The following TRAPPC9 variants were observed in gnomAD, a reference collection of about 807,000 sequenced individuals.
The protein encoded by TRAPPC9 is trafficking protein particle complex subunit 9, also known as IKK2 binding protein.
TRAPPC9 carries 83 observed loss-of-function variants against 124.0 expected under a neutral mutation model. That is an observed-to-expected ratio of 0.67 (90% confidence interval 0.56 to 0.80). The LOEUF (loss-of-function observed/expected upper bound fraction) is 0.80. Ranked by LOEUF, TRAPPC9 falls within the 30% of genes least tolerant of loss-of-function variation. TRAPPC9 has a pLI of 0.00. For synonymous variants in TRAPPC9, 638 were observed against 617.5 expected (o/e 1.03, Z -0.49); for missense variants, 1,302 against 1,508.3 (o/e 0.86, Z 2.27).
At chr8:140,325,170 G>T (rs956534996) in intron 9 of TRAPPC9, among the ~76,000 whole-genome samples, 1 of 152,104 alleles carries the variant, frequency 6.6e-6, no homozygotes, top group Admixed American at 6.5e-5. Context: ...AAACACAACA[G>T]GTCAATATTT....
chr8:139,955,186 A>G (rs1399676516), intron 19 of TRAPPC9, among the ~76,000 whole-genome samples: 1 of 152,154 alleles, frequency 6.6e-6, no homozygotes, highest in Non-Finnish European at 1.5e-5. Context: ...CATCGGCACC[A>G]TCTGACCACC....
Position 140,033,658 on chromosome 8 carries a change from G to GTTTTTTTTTTTTT in TRAPPC9, c.2557-9592_2557-9580dup, listed in dbSNP as rs776155126. ...TTGAAATGCAACTCTTCATAATGTG[G>GTTTTTTTTTTTTT]TTTTTTTTTTTTTTTTTTTTTTTTT... On this transcript the variant is annotated intron_variant, in intron 17 of 22. Coordinates refer to ENST00000438773, the MANE Select transcript of TRAPPC9 (RefSeq NM_001160372.4). 4.2e-4 allele frequency among the ~76,000 whole-genome samples: 18 copies of GTTTTTTTTTTTTT among 42,388 alleles called. 2 individuals carry two copies. Among genetic ancestry groups the GTTTTTTTTTTTTT allele is most frequent in the East Asian group, 9.1e-4 (1 of 1,100 alleles). 27.8% of individuals were successfully genotyped at this position (42,388 alleles called of 152,430 possible).
At chr8:140,373,350 G>A (rs1052782552) in intron 7 of TRAPPC9, among the ~76,000 whole-genome samples, 5 of 152,178 alleles carry the variant, frequency 3.3e-5, no homozygotes, top group East Asian at 1.9e-4. Flanking sequence ...TGACGCCGCC[G>A]GGGCACACAG....
At chr8:139,888,649 G>A (rs146563615) in intron 20 of TRAPPC9, among the ~76,000 whole-genome samples, 5 of 152,268 alleles carry the variant, frequency 3.3e-5, no homozygotes, top group African/African-American at 1.2e-4. Flanking sequence ...AGTGTTTCCT[G>A]CAAAGATAAT....
intron 21 of TRAPPC9, among the ~76,000 whole-genome samples, chr8:139,852,509 T>G (rs1827547877): frequency 6.6e-6 from 1 of 152,218 alleles, no homozygotes. Context: ...GTTCTGCCAC[T>G]GATGAACTTC....
intron 17 of TRAPPC9, among the ~76,000 whole-genome samples, chr8:140,214,861 G>A (rs1353489674): frequency 2.6e-5 from 4 of 152,256 alleles, no homozygotes; most frequent in East Asian, 3.9e-4. Context: ...CCCACTTCTC[G>A]GGGTGCTCCC....
intron 18 of TRAPPC9, among the ~76,000 whole-genome samples, chr8:140,001,814 C>T (rs891989783): frequency 6.6e-6 from 1 of 152,206 alleles, no homozygotes; most frequent in Non-Finnish European, 1.5e-5. Flanking sequence ...TGGAAAACAG[C>T]TTGGCAGTTT....
intron 21 of TRAPPC9, among the ~76,000 whole-genome samples, chr8:139,773,162 C>A (rs114642453): frequency 0.024 from 3,633 of 152,306 alleles, 136 homozygotes; most frequent in African/African-American, 0.081. Context: ...CTGCACCTAC[C>A]CAGCAGGTAG....
chr8:140,434,883 T>C (rs1195953877), intron 4 of TRAPPC9, among the ~76,000 whole-genome samples: 1 of 151,790 alleles, frequency 6.6e-6, no homozygotes, highest in African/African-American at 2.4e-5. Context: ...GGGAGGAGAA[T>C]TGCTTGAACC....
At chr8:140,326,161 C>A (rs749001035) in intron 9 of TRAPPC9, among the ~76,000 whole-genome samples, 2 of 146,780 alleles carry the variant, frequency 1.4e-5, no homozygotes, top group African/African-American at 2.5e-5. Context: ...CCGAGGCGGG[C>A]GGATCATGAG....
intron 19 of TRAPPC9, among the ~76,000 whole-genome samples, chr8:139,957,329 C>T (rs1045860891): frequency 6.6e-5 from 10 of 152,170 alleles, no homozygotes; most frequent in Non-Finnish European, 1.2e-4. Context: ...CTAGGGTGGG[C>T]GGCACCTATC....
At chr8:139,857,103 C>T (rs1827851341) in intron 21 of TRAPPC9, among the ~76,000 whole-genome samples, 1 of 118,706 alleles carries the variant, frequency 8.4e-6, no homozygotes, top group African/African-American at 3.8e-5. Context: ...CAGGGCACTC[C>T]AGGCAGAAGG....
rs750274973 is a variant in TRAPPC9, at chr8:140,311,337, C to A, written c.1533G>T (p.Thr511=). ...KDVAQSLENY[T]SKCPGTMEPI... is the part of the protein sequence containing the mutation. ...GCTCCATGGTCCCAGGACACTTGGA[C>A]GTATAGTTCTCTAGGCTTTGGGCCA... The change falls in exon 10 of 23, where the codon ACG becomes ACT. Residue 511 remains threonine (T), a synonymous_variant. Coordinates refer to ENST00000438773, the MANE Select transcript of TRAPPC9 (RefSeq NM_001160372.4). The A allele has an allele frequency of 9.9e-6, 16 of 1,613,906 alleles. No individual in the cohort carries two copies. In the East Asian group the frequency reaches 3.3e-4, roughly 34 times the overall value.
chr8:140,192,800 T>C (rs189097914), intron 17 of TRAPPC9, among the ~76,000 whole-genome samples: 38 of 152,334 alleles, frequency 2.5e-4, no homozygotes, highest in African/African-American at 8.4e-4. Flanking sequence ...TTTTTTGAGA[T>C]GGAGTCTCCC....
Position 139,812,885 on chromosome 8 carries a change from C to T in TRAPPC9, c.3055+72994G>A, listed in dbSNP as rs141985787. 4.8e-4 allele frequency among the ~76,000 whole-genome samples: 73 copies of T among 152,292 alleles called. 1 individual carries two copies. The East Asian group carries it at 0.014, about 29-fold the overall frequency. On this transcript the variant is annotated intron_variant, in intron 21 of 22. Transcript: ENST00000438773. ...AACATAAGCTACTTTACATGGGTTT[C>T]GGGAAGGTTAAAAACACCGAGTGTG...
chr8:139,901,503 A>AGAAGACCCAACGTC (rs1446605518), intron 20 of TRAPPC9, among the ~76,000 whole-genome samples: 27 of 152,324 alleles, frequency 1.8e-4, no homozygotes, highest in Non-Finnish European at 3.7e-4. Context: ...AAGATGTCAC[A>AGAAGACCCAACGTC]CAGTGGGACG....
At chr8:139,968,082 G>C (rs1835823753) in intron 19 of TRAPPC9, among the ~76,000 whole-genome samples, 1 of 151,502 alleles carries the variant, frequency 6.6e-6, no homozygotes, top group African/African-American at 2.4e-5. Context: ...TGGAGGTTGG[G>C]AGACTGCAGT....
At chr8:140,108,053 CTCTGGGTGATA>C (rs1457643423) in intron 17 of TRAPPC9, among the ~76,000 whole-genome samples, 1 of 147,778 alleles carries the variant, frequency 6.8e-6, no homozygotes, top group Non-Finnish European at 1.5e-5. Context: ...ACAGGTTATC[CTCTGGGTGATA>C]TCCGAACTCA....
At chr8:140,184,172 G>A (rs191165781) in intron 17 of TRAPPC9, among the ~76,000 whole-genome samples, 4 of 152,228 alleles carry the variant, frequency 2.6e-5, no homozygotes, top group Admixed American at 1.3e-4. Context: ...AGACATATCC[G>A]TGAGGCCCAG....
Sources: allele counts gnomAD v4.1 joint callset (sites outside exome capture counted in the v4.1 genomes callset), GRCh38; gene constraint gnomAD v4.1.1; transcripts MANE v1.5; gene names NCBI Gene and HGNC (gene_info 2026-07-23, HGNC 2026-07-21).